Variants in CAPZA2 observed in about 807,000 individuals in gnomAD.
The protein encoded by CAPZA2 is F-actin-capping protein subunit alpha-2.
Under a neutral mutation model 44.0 loss-of-function variants are expected in CAPZA2, and 13 were observed. That is an observed-to-expected ratio of 0.30 (90% CI 0.19 to 0.47). CAPZA2 has a LOEUF of 0.47. Ranked by LOEUF, CAPZA2 falls within the 20% of genes least tolerant of loss-of-function variation. The pLI, the probability that CAPZA2 is intolerant of heterozygous loss-of-function variation, is 1.00. For missense variants in CAPZA2, 244 were observed against 338.6 expected (o/e 0.72, Z 2.19); for synonymous variants, 94 against 108.2 (o/e 0.87, Z 0.81).
chr7:116,872,041 A>G (rs1180721707), intron 1 of CAPZA2, among the ~76,000 whole-genome samples: 1 of 152,156 alleles, frequency 6.6e-6, no homozygotes, highest in Non-Finnish European at 1.5e-5. Context: ...TGAATGTGCA[A>G]CTAGGATTGA....
At chr7:116,868,803 T>C (rs1796514002) in intron 1 of CAPZA2, among the ~76,000 whole-genome samples, 1 of 152,226 alleles carries the variant, frequency 6.6e-6, no homozygotes, top group South Asian at 2.1e-4. Flanking sequence ...ATGTGGACAA[T>C]ATTCATTCCT....
chr7:116,889,140 C>T (rs964531293), intron 2 of CAPZA2, among the ~76,000 whole-genome samples: 1 of 152,184 alleles, frequency 6.6e-6, no homozygotes, highest in African/African-American at 2.4e-5. Context: ...CTCCTGGTTA[C>T]TATAGACTGT....
chr7:116,891,340 T>A (rs1266595449), intron 2 of CAPZA2, among the ~76,000 whole-genome samples: 1 of 152,234 alleles, frequency 6.6e-6, no homozygotes, highest in Non-Finnish European at 1.5e-5. Flanking sequence ...AAACTATTGA[T>A]GATAAATTTA....
chr7:116,890,858 A>T (rs1796838248), intron 2 of CAPZA2, among the ~76,000 whole-genome samples: 1 of 149,782 alleles, frequency 6.7e-6, no homozygotes, highest in South Asian at 2.1e-4. Context: ...ATTATTTTCT[A>T]TTTTTATTGA....
At chr7:116,879,917 A>G (rs917101600) in intron 1 of CAPZA2, 1 of 336,486 alleles carries the variant, frequency 3.0e-6, no homozygotes, top group African/African-American at 2.2e-5. Flanking sequence ...GGGGCAGAGG[A>G]AACAGATTCT....
At chr7:116,911,951 C>G in intron 7 of CAPZA2, 118 bp from the exon 8 acceptor site, 2 of 1,515,662 alleles carry the variant, frequency 1.3e-6, no homozygotes, top group Admixed American at 2.2e-5. Flanking sequence ...TGGGGCTCAG[C>G]AGAGAAGTCT....
intron 3 of CAPZA2, among the ~76,000 whole-genome samples, chr7:116,898,428 T>A (rs942470877): frequency 1.3e-5 from 2 of 152,146 alleles, no homozygotes; most frequent in African/African-American, 4.8e-5. Context: ...TTACAGCACC[T>A]AGTCTGTTTC....
intron 1 of CAPZA2, chr7:116,876,156 A>T (rs1270329058): frequency 1.3e-5 from 2 of 151,806 alleles, no homozygotes; most frequent in Non-Finnish European, 2.9e-5. Context: ...AGGCTGAGAC[A>T]GGAGAATGGT....
Position 116,904,366 on chromosome 7 carries a change from C to A in CAPZA2, c.409C>A (p.Pro137Thr). ...ALRAYVKEHY[P>T]NGVCTVYGKK... ...GAGAGCTTACGTAAAAGAACATTAC[C>A]CGAATGGAGTCTGCACTGTAAGTCA... Residue 137 changes from proline to threonine, a missense_variant, in exon 5 of 10, where the codon CCG (proline) becomes ACG (threonine). By Grantham distance (38) the Pro-to-Thr change is conservative (BLOSUM62 -1). Transcript: ENST00000361183. 6.2e-7 allele frequency: 1 copy of A among 1,610,672 alleles called. No individual in the cohort carries two copies. Among genetic ancestry groups the A allele is most frequent in the Non-Finnish European group, 8.5e-7 (1 of 1,176,998 alleles).
intron 1 of CAPZA2, among the ~76,000 whole-genome samples, chr7:116,885,690 T>C (rs565321062): frequency 6.6e-6 from 1 of 152,192 alleles, no homozygotes; most frequent in South Asian, 2.1e-4. Context: ...CTTACTTACA[T>C]TTACCAGTTT....
At chr7:116,911,885 A>G (rs1186391504) in intron 7 of CAPZA2, among the ~76,000 whole-genome samples, 184 bp from the exon 8 acceptor site, 1 of 152,158 alleles carries the variant, frequency 6.6e-6, no homozygotes, top group Non-Finnish European at 1.5e-5. Context: ...AATATCTCTA[A>G]CTAGTCTCCT....
chr7:116,868,072 A>T (rs1326417552), intron 1 of CAPZA2, among the ~76,000 whole-genome samples: 1 of 152,160 alleles, frequency 6.6e-6, no homozygotes, highest in African/African-American at 2.4e-5. Flanking sequence ...ATCTACTTTG[A>T]GTGTTGGTAC....
chr7:116,904,831 T>C (rs1791466593), intron 5 of CAPZA2: 1 of 155,068 alleles, frequency 6.4e-6, no homozygotes, highest in Admixed American at 6.5e-5. Context: ...CCTATTTTTA[T>C]ATTTTCAAGA....
chr7:116,917,955 A>G lies in CAPZA2; in HGVS notation c.*88A>G. 1 of 1,034,020 alleles carries G rather than the reference A, an allele frequency of 9.7e-7. No individual in the cohort carries two copies. Among genetic ancestry groups the G allele is most frequent in the Non-Finnish European group, 1.5e-6 (1 of 674,832 alleles). The allele number at this position is 1,034,020 out of a possible 1,614,324, so 64.1% of individuals were successfully genotyped here. A position where few individuals can be genotyped will look rare whatever the true frequency, so the allele number is the denominator to read the frequency against. ...TTCTGAACTGTCAAGCTGCCCAGTCAGATGGGCTGTTGCCATTTAAAATCA... is the reference window on the plus strand; with the variant it reads ...TTCTGAACTGTCAAGCTGCCCAGTCGGATGGGCTGTTGCCATTTAAAATCA... On this transcript the variant is annotated 3_prime_UTR_variant, in exon 10 of 10. Coordinates refer to ENST00000361183, the MANE Select transcript of CAPZA2 (RefSeq NM_006136.3).
intron 1 of CAPZA2, 69 bp downstream of exon 1, chr7:116,862,719 T>G (rs1439121055): frequency 1.4e-6 from 2 of 1,474,452 alleles, no homozygotes; most frequent in Non-Finnish European, 1.8e-6. Flanking sequence ...GGGCCCGGAG[T>G]CTGGTCGCGG....
At chr7:116,868,989 GAATA>G (rs957347612) in intron 1 of CAPZA2, among the ~76,000 whole-genome samples, 2 of 152,144 alleles carry the variant, frequency 1.3e-5, no homozygotes, top group African/African-American at 2.4e-5. Flanking sequence ...ATGAGTAGTT[GAATA>G]GATAGAATAA....
intron 3 of CAPZA2, among the ~76,000 whole-genome samples, chr7:116,894,725 T>TA (rs1471738507): frequency 6.6e-6 from 1 of 152,206 alleles, no homozygotes; most frequent in Non-Finnish European, 1.5e-5. Flanking sequence ...ACAACCTAGG[T>TA]ACCTCTTATA....
At chr7:116,907,214 C>T (rs1486309104) in intron 6 of CAPZA2, among the ~76,000 whole-genome samples, 1 of 152,184 alleles carries the variant, frequency 6.6e-6, no homozygotes, top group Admixed American at 6.5e-5. Context: ...GAAATAAATG[C>T]AGGGTTGCAA....
intron 1 of CAPZA2, among the ~76,000 whole-genome samples, chr7:116,878,847 G>A (rs1796653178): frequency 6.6e-6 from 1 of 152,064 alleles, no homozygotes; most frequent in African/African-American, 2.4e-5. Context: ...AAGAATATTG[G>A]CCAGGCGTGG....
Sources: gnomAD v4.1 joint callset for allele counts (sites outside exome capture counted in the v4.1 genomes callset) on GRCh38, gnomAD v4.1.1 for gene constraint, MANE v1.5 for transcripts, NCBI Gene and HGNC (gene_info 2026-07-23, HGNC 2026-07-21) for gene names.